The following CDC27 variants were observed in gnomAD, a reference collection of about 807,000 sequenced individuals.
CDC27 encodes cell division cycle 27.
CDC27 carries 27 observed loss-of-function variants against 109.7 expected under a neutral mutation model. That is an observed-to-expected ratio of 0.25 (90% CI 0.18 to 0.34). The LOEUF (loss-of-function observed/expected upper bound fraction) is 0.34, where lower values mean the gene tolerates loss of function less well. Among genes scored for constraint, CDC27 ranks in the 10% least tolerant of loss-of-function variants. The pLI is 1.00. For synonymous variants in CDC27, 266 were observed against 333.9 expected, an observed-to-expected ratio of 0.80 and a Z score of 2.22; for missense variants, 579 against 960.2, an observed-to-expected ratio of 0.60 and a Z score of 5.25.
At chr17:47,124,210 C>CACACACACACACACACA (rs1555780231) in intron 16 of CDC27, among the ~76,000 whole-genome samples, 1 of 149,326 alleles carries the variant, frequency 6.7e-6, no homozygotes, top group African/African-American at 2.5e-5. Flanking sequence ...CACACACACA[C>CACACACACACACACACA]CCCTCTTCGT....
Position 47,169,927 on chromosome 17 carries a change from G to C in CDC27, c.367C>G (p.His123Asp). Residue 123 changes from histidine (H) to aspartate (D), a missense_variant, in exon 4 of 19, where the codon CAT becomes GAT. Transcript: ENST00000066544. ...ATCATTCTTACTTACCAATATACAT[G>C]TCCCAACAATGAAAGAGTAAAGCAA... ...SACFTLSLLG[H>D]VYCKTDRLAK... 2 of 1,590,630 alleles carry C rather than the reference G, an allele frequency of 1.3e-6. No homozygotes were observed. The highest frequency in any genetic ancestry group is 1.2e-5 in the South Asian group (1 of 86,328).
At chr17:47,185,062 C>G (rs1567728560) in intron 1 of CDC27, among the ~76,000 whole-genome samples, 1 of 152,070 alleles carries the variant, frequency 6.6e-6, no homozygotes. Context: ...ATAAATAAAC[C>G]AACAGCTTAA....
chr17:47,129,967 T>C (rs1006766618), intron 15 of CDC27, among the ~76,000 whole-genome samples: 1 of 141,750 alleles, frequency 7.1e-6, no homozygotes, highest in African/African-American at 2.6e-5. Context: ...ATGCGGTCTT[T>C]CAAATATTAG....
At chr17:47,155,735 G>A (rs2063285207) in intron 7 of CDC27, among the ~76,000 whole-genome samples, 1 of 152,136 alleles carries the variant, frequency 6.6e-6, no homozygotes, top group Non-Finnish European at 1.5e-5. Context: ...AGGATCACTA[G>A]AGGCCAGGAG....
At chr17:47,173,564 A>C (rs2082984799) in intron 2 of CDC27, among the ~76,000 whole-genome samples, 1 of 152,210 alleles carries the variant, frequency 6.6e-6, no homozygotes, top group Non-Finnish European at 1.5e-5. Flanking sequence ...CCCACAAACT[A>C]ATTTAACTCC....
At chr17:47,145,540 C>T (rs567645672) in intron 9 of CDC27, among the ~76,000 whole-genome samples, 7 of 152,176 alleles carry the variant, frequency 4.6e-5, no homozygotes, top group South Asian at 4.2e-4. Context: ...CTCCTGGGAC[C>T]GTGCCTGAAT....
intron 4 of CDC27, chr17:47,161,802 C>T (rs1401221280): frequency 6.6e-6 from 1 of 151,920 alleles, no homozygotes; most frequent in African/African-American, 2.4e-5. Context: ...TGAGGATTAT[C>T]CTAAGCTTCA....
intron 5 of CDC27, 140 bp downstream of exon 5, chr17:47,158,065 CT>C: frequency 2.4e-6 from 1 of 415,636 alleles, no homozygotes; most frequent in Non-Finnish European, 4.3e-6. Flanking sequence ...AAGATTCTAA[CT>C]TATTTTTTAT....
At chr17:47,168,322 T>C (rs1219968670) in intron 4 of CDC27, among the ~76,000 whole-genome samples, 1 of 152,188 alleles carries the variant, frequency 6.6e-6, no homozygotes, top group Admixed American at 6.5e-5. Context: ...ACCTAGGGGA[T>C]GCCAGCTACC....
chr17:47,149,847 T>A (rs1016153226), intron 9 of CDC27, among the ~76,000 whole-genome samples: 1 of 151,724 alleles, frequency 6.6e-6, no homozygotes, highest in Non-Finnish European at 1.5e-5. Context: ...CCCAGCTACA[T>A]GGGAGGCTGA....
chr17:47,175,333 C>A (rs1463346635), intron 2 of CDC27, among the ~76,000 whole-genome samples: 1 of 152,116 alleles, frequency 6.6e-6, no homozygotes, highest in Admixed American at 6.5e-5. Flanking sequence ...TAAAATGGAC[C>A]AATTTTGACA....
At position 47,182,888 on chromosome 17, in the gene CDC27, C is replaced by T. The variant is rs575199479; in HGVS notation, c.28-1251G>A. On this transcript the variant is annotated intron_variant, in intron 1 of 18. Coordinates refer to ENST00000066544, the MANE Select transcript of CDC27 (RefSeq NM_001256.6). ...ATTTAAGAATCTCTCCAGCCTATCA[C>T]GGTGGTGTGAGCCTTTAGTCCCAGC... Among the ~76,000 whole-genome samples, 7 of 152,024 alleles carry T rather than the reference C, an allele frequency of 4.6e-5. No homozygotes were observed. In the East Asian group the frequency reaches 9.7e-4, roughly 21 times the overall value.
At chr17:47,162,487 T>G (rs1437419839) in intron 4 of CDC27, among the ~76,000 whole-genome samples, 1 of 152,212 alleles carries the variant, frequency 6.6e-6, no homozygotes, top group Non-Finnish European at 1.5e-5. Context: ...GTTTCCTGTT[T>G]TCAAGTAGCC....
intron 12 of CDC27, among the ~76,000 whole-genome samples, chr17:47,139,591 A>G (rs1187102153): frequency 2.6e-5 from 4 of 152,202 alleles, no homozygotes; most frequent in Non-Finnish European, 5.9e-5. Flanking sequence ...AGGAAAGATG[A>G]TGGAAGAATG....
chr17:47,180,423 C>G (rs957827717), intron 2 of CDC27, among the ~76,000 whole-genome samples: 1 of 152,092 alleles, frequency 6.6e-6, no homozygotes, highest in African/African-American at 2.4e-5. Flanking sequence ...CCCACTATCT[C>G]AGAGTCAAGG....
At chr17:47,121,438 T>C (rs1413747566) in intron 18 of CDC27, among the ~76,000 whole-genome samples, 5 of 152,150 alleles carry the variant, frequency 3.3e-5, no homozygotes, top group Admixed American at 2.6e-4. Context: ...GGTCAGTCTA[T>C]CAGTCAATCA....
chr17:47,184,227 T>G (rs181561220), intron 1 of CDC27, among the ~76,000 whole-genome samples: 1 of 152,360 alleles, frequency 6.6e-6, no homozygotes, highest in African/African-American at 2.4e-5. Context: ...GGAGTTGTTT[T>G]GTGGATTAAA....
intron 2 of CDC27, among the ~76,000 whole-genome samples, chr17:47,178,012 T>C (rs1202466990): frequency 6.6e-6 from 1 of 152,170 alleles, no homozygotes; most frequent in African/African-American, 2.4e-5. Context: ...AGAAAAACCT[T>C]GGTCAAGGGG....
intron 4 of CDC27, 34 bp downstream of exon 4, chr17:47,169,883 T>C (rs2063762642): frequency 2.6e-6 from 4 of 1,534,738 alleles, no homozygotes; most frequent in Non-Finnish European, 3.5e-6. Flanking sequence ...TGTATGGAAA[T>C]GCTTTTCTGA....
Sources: gnomAD v4.1 joint callset for allele counts (sites outside exome capture counted in the v4.1 genomes callset) on GRCh38, gnomAD v4.1.1 for gene constraint, MANE v1.5 for transcripts, NCBI Gene and HGNC (gene_info 2026-07-23, HGNC 2026-07-21) for gene names.